WDR72: variants seen among roughly 807,000 people sequenced by gnomAD.
WDR72 encodes WD repeat domain 72, also known as WD repeat-containing protein 72.
WDR72 carries 120 observed loss-of-function variants against 124.2 expected under a neutral mutation model. The ratio of observed to expected loss-of-function variants is 0.97; its 90% CI spans 0.83 to 1.12. The LOEUF (loss-of-function observed/expected upper bound fraction) is 1.12. Ranked by LOEUF, WDR72 falls within the 50% of genes most tolerant of loss-of-function variation. The pLI is 0.00. For synonymous variants in WDR72, 452 were observed against 441.7 expected, an observed-to-expected ratio of 1.02 and a Z score of -0.29; for missense variants, 1,387 against 1,278.8, an observed-to-expected ratio of 1.08 and a Z score of -1.29.
chr15:53,730,949 G>A (rs940073880), intron 2 of WDR72, among the ~76,000 whole-genome samples: 1 of 151,996 alleles, frequency 6.6e-6, no homozygotes, highest in East Asian at 1.9e-4. Context: ...TGCAATGTGG[G>A]GGGGCAAGAT....
intron 1 of WDR72, among the ~76,000 whole-genome samples, chr15:53,739,532 T>C (rs1318268761): frequency 1.3e-5 from 2 of 152,208 alleles, no homozygotes; most frequent in African/African-American, 2.4e-5. Context: ...GTAAGTTTCA[T>C]TGACAAGGAA....
intron 1 of WDR72, among the ~76,000 whole-genome samples, chr15:53,745,237 T>C (rs1365254448): frequency 6.6e-6 from 1 of 152,170 alleles, no homozygotes; most frequent in Non-Finnish European, 1.5e-5. Flanking sequence ...TCCTTGTTCA[T>C]AATCAGCACT....
chr15:53,747,255 A>AAAAAT (rs1389583836), intron 1 of WDR72, among the ~76,000 whole-genome samples: 1 of 152,182 alleles, frequency 6.6e-6, no homozygotes, highest in East Asian at 1.9e-4. Flanking sequence ...GAAAAGGTAA[A>AAAAAT]AAAATAAATT....
chr15:53,594,703 G>A (rs540325924), intron 18 of WDR72, among the ~76,000 whole-genome samples: 3 of 151,208 alleles, frequency 2.0e-5, no homozygotes, highest in East Asian at 1.9e-4. Flanking sequence ...GACGCAGGAG[G>A]ATCATTTTAT....
chr15:53,581,804 T>C (rs1405820125), intron 18 of WDR72, among the ~76,000 whole-genome samples: 2 of 152,068 alleles, frequency 1.3e-5, no homozygotes, highest in Admixed American at 6.6e-5. Context: ...TGATCTAAAA[T>C]TGTACTTTAT....
chr15:53,742,785 C>G (rs1261538702), intron 1 of WDR72, among the ~76,000 whole-genome samples: 3 of 152,004 alleles, frequency 2.0e-5, no homozygotes, highest in African/African-American at 7.2e-5. Context: ...ACACTTTGTA[C>G]GTAAATACTT....
chr15:53,714,522 A>G lies in WDR72; in HGVS notation c.515-12T>C. The G allele has an allele frequency of 1.2e-6, 2 of 1,606,650 alleles. No individual in the cohort carries two copies. The highest frequency in any genetic ancestry group is 1.7e-6 in the Non-Finnish European group (2 of 1,173,270). ...CAAGAGAGAATCTTCTGTGAAAATAATAAAAGTCACATATAAGCTTACCAT... is the reference window on the plus strand; with the variant it reads ...CAAGAGAGAATCTTCTGTGAAAATAGTAAAAGTCACATATAAGCTTACCAT... On this transcript the variant is annotated splice_polypyrimidine_tract_variant and intron_variant, in intron 5 of 19. Transcript: ENST00000360509.
intron 18 of WDR72, among the ~76,000 whole-genome samples, chr15:53,537,271 A>AATG (rs1367514442): frequency 1.3e-5 from 2 of 152,194 alleles, no homozygotes; most frequent in East Asian, 3.9e-4. Flanking sequence ...GGTTTAATTG[A>AATG]ATGACATTGT....
intron 14 of WDR72, among the ~76,000 whole-genome samples, chr15:53,662,895 C>T (rs2015653812): frequency 6.6e-6 from 1 of 151,744 alleles, no homozygotes; most frequent in African/African-American, 2.4e-5. Flanking sequence ...TGAGATCTTG[C>T]CTGTAATAGA....
At chr15:53,657,403 A>T (rs1012736871) in intron 14 of WDR72, among the ~76,000 whole-genome samples, 11 of 152,030 alleles carry the variant, frequency 7.2e-5, no homozygotes, top group African/African-American at 2.4e-4. Flanking sequence ...TATCTATAAA[A>T]TTATTAATGT....
Position 53,713,411 on chromosome 15 carries a change from G to GTATTT in WDR72, c.592-525_592-521dup, listed in dbSNP as rs11272007. Among the ~76,000 whole-genome samples, 298 of 88,682 alleles carry GTATTT rather than the reference G, an allele frequency of 3.4e-3. 5 individuals carry two copies. Among genetic ancestry groups the GTATTT allele is most frequent in the African/African-American group, 0.011 (276 of 26,214 alleles). The allele number at this position is 88,682 out of a possible 152,430, so 58.2% of individuals were successfully genotyped here. ...GTATTTTATTTTATTTTATTTTGTT[G>GTATTT]TATTTTATTTTATTTTATTTTATTT... On this transcript the variant is annotated intron_variant, in intron 6 of 19. Transcript: ENST00000360509.
At chr15:53,746,200 C>A (rs992729604) in intron 1 of WDR72, among the ~76,000 whole-genome samples, 3 of 152,142 alleles carry the variant, frequency 2.0e-5, no homozygotes, top group Non-Finnish European at 4.4e-5. Context: ...TCTTCTTCCC[C>A]GTAACAATTT....
chr15:53,552,037 G>A (rs149405657), intron 18 of WDR72, among the ~76,000 whole-genome samples: 2 of 152,110 alleles, frequency 1.3e-5, no homozygotes, highest in Admixed American at 6.6e-5. Flanking sequence ...TCAGGGAAAA[G>A]ACAGAAAATT....
chr15:53,728,181 G>A (rs2018097978), intron 2 of WDR72, among the ~76,000 whole-genome samples: 2 of 152,204 alleles, frequency 1.3e-5, no homozygotes, highest in Admixed American at 1.3e-4. Flanking sequence ...GCAAGGAGGA[G>A]CAAGTCACAT....
rs1324278072 is a variant in WDR72 at position 53,513,849 on chromosome 15, G to A, written c.*3850C>T. The A allele has an allele frequency of 6.6e-6, 1 of 152,162 alleles. No individual in the cohort carries two copies. Among genetic ancestry groups the A allele is most frequent in the African/African-American group, 2.4e-5 (1 of 41,444 alleles). 9.4% of individuals were successfully genotyped at this position (152,162 alleles called of 1,614,324 possible). A position where few individuals can be genotyped will look rare whatever the true frequency, so the allele number is the denominator to read the frequency against. ...TGGTATCTGAGAAGGTCAAGATGAA[G>A]GTGAAAAGAGTAAAGGAGTTGTACT... On this transcript the variant is annotated 3_prime_UTR_variant, in exon 20 of 20. Transcript: ENST00000360509.
intron 18 of WDR72, among the ~76,000 whole-genome samples, chr15:53,530,676 C>T (rs1291149822): frequency 3.3e-5 from 5 of 151,734 alleles, no homozygotes; most frequent in Admixed American, 3.3e-4. Context: ...TAGAAGGAGG[C>T]CAGGAAAACA....
At chr15:53,698,756 T>G (rs1452729717) in intron 13 of WDR72, among the ~76,000 whole-genome samples, 1 of 152,220 alleles carries the variant, frequency 6.6e-6, no homozygotes, top group Non-Finnish European at 1.5e-5. Context: ...TTATTAGTTG[T>G]ACAGTCTTGT....
rs556623724 is a variant in WDR72 at position 53,663,634 on chromosome 15, C to T, written c.1962+1938G>A. On this transcript the variant is annotated intron_variant, in intron 14 of 19. Transcript: ENST00000360509. ...GAGATTTGCTCCTGCAGACCCTAGACATCTGAAACGCATAGGTCAAGAGAC... is the reference window on the plus strand; with the variant it reads ...GAGATTTGCTCCTGCAGACCCTAGATATCTGAAACGCATAGGTCAAGAGAC... Among the ~76,000 whole-genome samples the T allele has an allele frequency of 1.1e-4, 16 of 152,220 alleles. No individual in the cohort carries two copies. In the South Asian group the frequency reaches 3.1e-3, roughly 30 times the overall value.
intron 13 of WDR72, among the ~76,000 whole-genome samples, chr15:53,688,351 C>T (rs981953548): frequency 1.4e-5 from 2 of 147,694 alleles, no homozygotes; most frequent in African/African-American, 5.1e-5. Flanking sequence ...AGCTGATAAG[C>T]AACTTCAGCA....
Sources: allele counts gnomAD v4.1 joint callset (sites outside exome capture counted in the v4.1 genomes callset), GRCh38; gene constraint gnomAD v4.1.1; transcripts MANE v1.5; gene names NCBI Gene and HGNC (gene_info 2026-07-23, HGNC 2026-07-21).